The following SLC6A19 variants were observed in gnomAD, a reference collection of about 807,000 sequenced individuals.
SLC6A19 encodes solute carrier family 6 member 19.
In SLC6A19, 67 loss-of-function variants were observed where a neutral mutation model predicts 68.3. The observed-to-expected ratio is 0.98, with a 90% CI of 0.81 to 1.20. The LOEUF (loss-of-function observed/expected upper bound fraction) is 1.20, where lower values mean the gene tolerates loss of function less well. SLC6A19 is among the 50% of genes most tolerant of loss of function. SLC6A19 has a pLI of 0.00. For synonymous variants in SLC6A19, 392 were observed against 374.9 expected, an observed-to-expected ratio of 1.05 and a Z score of -0.53; for missense variants, 813 against 851.6, an observed-to-expected ratio of 0.95 and a Z score of 0.56.
At position 1,224,865 on chromosome 5, in the gene SLC6A19, G is replaced by A. The variant is rs984799098; in HGVS notation, c.*2961G>A. The A allele has an allele frequency of 1.3e-5, 2 of 153,766 alleles. No homozygotes were observed. Among genetic ancestry groups the A allele is most frequent in the African/African-American group, 4.8e-5 (2 of 41,476 alleles). 9.5% of individuals were successfully genotyped at this position (153,766 alleles called of 1,614,324 possible). ...GGACAGGGGTGCCCCCAGCACAGGA[G>A]AGGACTCAGCCCTCTGCCCCCACGC... On this transcript the variant is annotated 3_prime_UTR_variant, in exon 12 of 12. Transcript: ENST00000304460.
chr5:1,221,223 C>T lies in SLC6A19; in HGVS notation c.1611C>T (p.Val537=), dbSNP rs762407027. The T allele has an allele frequency of 3.7e-6, 6 of 1,614,044 alleles. No homozygotes were observed. In the Admixed American group the frequency reaches 1.0e-4, roughly 27 times the overall value. ...NIFWQVTWRV[V]SPLLMLIIFL... is the part of the protein sequence containing the mutation. Reference sequence around the variant, plus strand: ...TCTGGCAAGTCACGTGGCGCGTGGTCAGCCCCCTGCTCATGCTGATCATCT... The same window carrying T: ...TCTGGCAAGTCACGTGGCGCGTGGTTAGCCCCCTGCTCATGCTGATCATCT... Residue 537 remains valine, a synonymous_variant, in exon 11 of 12, where the codon GTC becomes GTT. Transcript: ENST00000304460.
chr5:1,206,400 C>A (rs1745854484), intron 1 of SLC6A19, among the ~76,000 whole-genome samples: 2 of 122,144 alleles, frequency 1.6e-5, no homozygotes, highest in African/African-American at 5.2e-5. Context: ...GCCTCCCTCT[C>A]TGTCTCTGTC....
intron 1 of SLC6A19, among the ~76,000 whole-genome samples, chr5:1,205,617 C>T (rs181074085): frequency 1.0e-3 from 153 of 152,332 alleles, no homozygotes; most frequent in African/African-American, 3.4e-3. Context: ...TAGGAGTTTT[C>T]TCAATGGAGA....
In SLC6A19 at chr5:1,215,701, G is replaced by A. The variant is rs1746188001; in HGVS notation, c.888-857G>A. Among the ~76,000 whole-genome samples the A allele has an allele frequency of 6.6e-6, 1 of 152,262 alleles. No individual in the cohort carries two copies. Among genetic ancestry groups the A allele is most frequent in the African/African-American group, 2.4e-5 (1 of 41,466 alleles). ...ATGAGTCATGCTGACGTGAGCCTGTGTGTACGCGTTTTTGTGGACGCATGC... is the reference window on the plus strand; with the variant it reads ...ATGAGTCATGCTGACGTGAGCCTGTATGTACGCGTTTTTGTGGACGCATGC... On this transcript the variant is annotated intron_variant, in intron 6 of 11. Coordinates refer to ENST00000304460, the MANE Select transcript of SLC6A19 (RefSeq NM_001003841.3). This position sits in a 1 kb window ranked among gnomAD's most constrained non-coding sequence, Gnocchi z 5.1.
At position 1,208,853 on chromosome 5, in the gene SLC6A19, T is replaced by G. The variant is rs1483149074; in HGVS notation, c.310T>G (p.Trp104Gly). ...GCTGCGGCGGGGCAGCCTGGGTGTG[T>G]GGAGCTCCATCCACCCGGCCCTGAA... is the stretch of plus-strand genomic sequence containing the variant. ...QRLRRGSLGV[W>G]SSIHPALKGL... is the part of the protein sequence containing the mutation. The change falls in exon 2 of 12, where the codon TGG (tryptophan) becomes GGG (glycine). Residue 104 changes from tryptophan to glycine, a missense_variant. Physicochemically the swap from Trp to Gly is radical, Grantham distance 184. Transcript: ENST00000304460. 1 of 1,612,712 alleles carries G rather than the reference T, an allele frequency of 6.2e-7. No homozygotes were observed. The highest frequency in any genetic ancestry group is 8.5e-7 in the Non-Finnish European group (1 of 1,179,934).
At position 1,218,965 on chromosome 5, in the gene SLC6A19, G is replaced by A; in HGVS notation, c.1236G>A (p.Leu412=). The stretch of plus-strand genomic sequence containing the variant: ...CCGAGGCCATCACCAAGATGCCGTT[G>A]TCCCCACTGTGGTCTGTGCTCTTCT... ...VFTEAITKMP[L]SPLWSVLFFI... Residue 412 remains leucine (L), a synonymous_variant, in exon 9 of 12, where the codon TTG becomes TTA. Transcript: ENST00000304460. The A allele has an allele frequency of 6.2e-7, 1 of 1,614,082 alleles. No homozygotes were observed.
chr5:1,210,593 C>T lies in SLC6A19; in HGVS notation c.481+12C>T. 1 of 1,611,884 alleles carries T rather than the reference C, an allele frequency of 6.2e-7. No homozygotes were observed. The highest frequency in any genetic ancestry group is 8.5e-7 in the Non-Finnish European group (1 of 1,179,990). On this transcript the variant is annotated intron_variant, in intron 3 of 11. Coordinates refer to ENST00000304460, the MANE Select transcript of SLC6A19 (RefSeq NM_001003841.3). ...CGAGAACCAGACAGGTGAGTCCTTG[C>T]AAGCAGCCCCATCCGTCTCACCTGT...
At chr5:1,208,706 G>C (rs371938584) in intron 1 of SLC6A19, 40 bp from the exon 2 acceptor site, 1 of 1,612,788 alleles carries the variant, frequency 6.2e-7, no homozygotes, top group African/African-American at 1.3e-5. Context: ...CTGCTCCCCC[G>C]GGAACGGCTC....
chr5:1,202,116 C>T (rs1213847105), intron 1 of SLC6A19, among the ~76,000 whole-genome samples: 1 of 152,178 alleles, frequency 6.6e-6, no homozygotes, highest in Admixed American at 6.5e-5. Context: ...TCCAGACTGG[C>T]AGTCCTGGAA....
rs971419469 is a variant in SLC6A19 at position 1,212,203 on chromosome 5, G to T, written c.482-100G>T. ...GTGTGGGCGTGTCACTGGTGTCAAG[G>T]CCTCTGGAACGTGGCTGGCATTTCT... is the stretch of plus-strand genomic sequence containing the variant. On this transcript the variant is annotated intron_variant, in intron 3 of 11. Transcript: ENST00000304460. This position sits in a 1 kb window ranked among gnomAD's most constrained non-coding sequence, Gnocchi z 5.1. 2 of 1,471,476 alleles carry T rather than the reference G, an allele frequency of 1.4e-6. No individual in the cohort carries two copies. The highest frequency in any genetic ancestry group is 1.9e-6 in the Non-Finnish European group (2 of 1,067,364). 91.2% of individuals were successfully genotyped at this position (1,471,476 alleles called of 1,614,324 possible). A position where few individuals can be genotyped will look rare whatever the true frequency, so the allele number is the denominator to read the frequency against.
At chr5:1,204,742 G>A (rs1034677674) in intron 1 of SLC6A19, among the ~76,000 whole-genome samples, 5 of 152,210 alleles carry the variant, frequency 3.3e-5, no homozygotes, top group African/African-American at 1.2e-4. Flanking sequence ...AGCCGGAGGA[G>A]CCACCCCTTC....
chr5:1,204,477 G>A (rs747875567), intron 1 of SLC6A19, among the ~76,000 whole-genome samples: 2 of 152,226 alleles, frequency 1.3e-5, no homozygotes, highest in African/African-American at 2.4e-5. Context: ...GCCGTGAGGC[G>A]TGGTCAGCCA....
intron 1 of SLC6A19, among the ~76,000 whole-genome samples, chr5:1,206,571 G>T (rs1745858170): frequency 6.6e-6 from 1 of 152,202 alleles, no homozygotes; most frequent in South Asian, 2.1e-4. Context: ...GGAGCTCAGG[G>T]TGTAAGAGAT....
At chr5:1,207,523 A>G (rs181310770) in intron 1 of SLC6A19, among the ~76,000 whole-genome samples, 1 of 152,188 alleles carries the variant, frequency 6.6e-6, no homozygotes. Context: ...GATGTGAGGA[A>G]ATGTGAGTGT....
intron 1 of SLC6A19, among the ~76,000 whole-genome samples, chr5:1,204,289 G>T (rs1267811960): frequency 6.6e-6 from 1 of 152,222 alleles, no homozygotes; most frequent in Non-Finnish European, 1.5e-5. Context: ...AGGTGGGCAG[G>T]CTCAAGGGAC....
intron 1 of SLC6A19, among the ~76,000 whole-genome samples, chr5:1,202,625 C>T (rs913052017): frequency 2.6e-5 from 4 of 152,106 alleles, no homozygotes; most frequent in African/African-American, 4.8e-5. Context: ...GCTTTCTCAG[C>T]GGAAGGTCCA....
intron 5 of SLC6A19, 56 bp downstream of exon 5, chr5:1,213,629 T>G: frequency 6.6e-7 from 1 of 1,503,960 alleles, no homozygotes; most frequent in South Asian, 1.2e-5. Context: ...GGCTGCCCTG[T>G]GCCCCCGCCA....
In SLC6A19 at chr5:1,219,662, C is replaced by T; in HGVS notation, c.1536C>T (p.Asp512=). ...CTGTGGTCTACGTGTACGGTGTGGA[C>T]AGGTAGGGGCCACGGTGGGGACAGG... The part of the protein sequence containing the change: ...MFSVVYVYGV[D]RFNKDIEFMI... Residue 512 remains aspartate (D), a splice_region_variant and synonymous_variant, in exon 10 of 12, where the codon GAC becomes GAT. Transcript: ENST00000304460. The T allele has an allele frequency of 6.2e-7, 1 of 1,604,440 alleles. No individual in the cohort carries two copies. The highest frequency in any genetic ancestry group is 8.5e-7 in the Non-Finnish European group (1 of 1,179,974).
chr5:1,219,169 C>G, intron 9 of SLC6A19, 62 bp downstream of exon 9: 4 of 1,513,192 alleles, frequency 2.6e-6, no homozygotes, highest in Non-Finnish European at 2.7e-6. Flanking sequence ...TGGCAGCCCC[C>G]GGCTGTGTGA....
Sources: gnomAD v4.1 joint callset for allele counts (sites outside exome capture counted in the v4.1 genomes callset) on GRCh38, gnomAD v4.1.1 for gene constraint, Gnocchi (gnomAD v3.1) non-coding constraint, MANE v1.5 for transcripts, NCBI Gene and HGNC (gene_info 2026-07-23, HGNC 2026-07-21) for gene names.